DLG2: variants seen among roughly 807,000 people sequenced by gnomAD.
DLG2 encodes discs large MAGUK scaffold protein 2, also known as disks large homolog 2.
A neutral mutation model predicts 132.5 loss-of-function variants in DLG2; 45 were observed. The ratio of observed to expected loss-of-function variants is 0.34; its 90% CI spans 0.27 to 0.44. The LOEUF is 0.44. Among genes scored for constraint, DLG2 ranks in the 20% least tolerant of loss-of-function variants. The pLI, the probability that DLG2 is intolerant of heterozygous loss-of-function variation, is 1.00. For synonymous variants in DLG2, 424 were observed against 419.6 expected, an observed-to-expected ratio of 1.01 and a Z score of -0.13; for missense variants, 1,045 against 1,196.9, an observed-to-expected ratio of 0.87 and a Z score of 1.87.
chr11:85,031,373 T>C (rs1156623970), intron 6 of DLG2, among the ~76,000 whole-genome samples: 1 of 149,856 alleles, frequency 6.7e-6, no homozygotes, highest in East Asian at 1.9e-4. Context: ...TTAGACTAAT[T>C]TGAGAGCCTA....
intron 3 of DLG2, among the ~76,000 whole-genome samples, chr11:85,352,766 G>A (rs1360309436): frequency 6.6e-6 from 1 of 152,078 alleles, no homozygotes; most frequent in African/African-American, 2.4e-5. Context: ...AATGGTGCTG[G>A]GAAAACTGGC....
At chr11:83,947,216 T>G (rs922258755) in intron 14 of DLG2, among the ~76,000 whole-genome samples, 1 of 150,174 alleles carries the variant, frequency 6.7e-6, no homozygotes, top group African/African-American at 2.4e-5. Flanking sequence ...ATGCAAATAT[T>G]TGTGATTACT....
rs76917180 is a variant in DLG2 at position 83,988,672 on chromosome 11, C to T, written c.920-8030G>A. ...CAGCCTTGATATTTCTAGAGTACTC[C>T]GACATAGTCATAGACTGTCAATTTA... On this transcript the variant is annotated intron_variant, in intron 11 of 27. Coordinates refer to ENST00000376104, the MANE Select transcript of DLG2 (RefSeq NM_001142699.3). Among the ~76,000 whole-genome samples, 310 of 151,984 alleles carry T rather than the reference C, an allele frequency of 2.0e-3. 6 individuals are homozygous for T. In the East Asian group the frequency reaches 0.056, roughly 28 times the overall value.
At chr11:84,746,251 G>GAAAAAAAAAA (rs369130410) in intron 6 of DLG2, among the ~76,000 whole-genome samples, 1 of 90,994 alleles carries the variant, frequency 1.1e-5, no homozygotes. Context: ...GATATGAAAA[G>GAAAAAAAAAA]AAAAAAAAAA....
chr11:83,777,701 T>C (rs2094639575), intron 18 of DLG2, among the ~76,000 whole-genome samples: 1 of 152,168 alleles, frequency 6.6e-6, no homozygotes, highest in South Asian at 2.1e-4. Context: ...TCAAATCCCA[T>C]GGTACACAGA....
chr11:85,215,792 C>G lies in DLG2; in HGVS notation c.187-61141G>C, dbSNP rs540583287. Among the ~76,000 whole-genome samples the G allele has an allele frequency of 6.2e-3, 950 of 152,232 alleles. 8 individuals are homozygous for G. The highest frequency in any genetic ancestry group is 0.01 in the Non-Finnish European group (692 of 68,002). On this transcript the variant is annotated intron_variant, in intron 4 of 27. Coordinates refer to ENST00000376104, the MANE Select transcript of DLG2 (RefSeq NM_001142699.3). ...TACCACCCCTTTGAATTACACAATG[C>G]ATGCATTAATAAACTTGTTTGTTTT...
At chr11:84,355,436 A>G (rs1239094471) in intron 7 of DLG2, among the ~76,000 whole-genome samples, 1 of 152,032 alleles carries the variant, frequency 6.6e-6, no homozygotes, top group African/African-American at 2.4e-5. Flanking sequence ...ATTATAAAAG[A>G]GTCCCCAGAG....
At chr11:84,509,511 C>A (rs1260703646) in intron 7 of DLG2, among the ~76,000 whole-genome samples, 1 of 152,112 alleles carries the variant, frequency 6.6e-6, no homozygotes, top group Non-Finnish European at 1.5e-5. Flanking sequence ...CAACCCATGG[C>A]AAGTGAAATT....
chr11:83,894,234 C>T (rs2070877079), intron 15 of DLG2, among the ~76,000 whole-genome samples: 5 of 152,060 alleles, frequency 3.3e-5, no homozygotes, highest in Admixed American at 2.6e-4. Flanking sequence ...ATAAGAGTTA[C>T]AAATAGGAAG....
At chr11:84,806,532 A>G (rs903770088) in intron 6 of DLG2, among the ~76,000 whole-genome samples, 9 of 152,184 alleles carry the variant, frequency 5.9e-5, no homozygotes, top group African/African-American at 2.2e-4. Context: ...GTGATACAAT[A>G]TTTTCGACTG....
At chr11:84,719,838 GT>G (rs1370064087) in intron 6 of DLG2, among the ~76,000 whole-genome samples, 6 of 152,088 alleles carry the variant, frequency 3.9e-5, no homozygotes, top group Non-Finnish European at 7.4e-5. Flanking sequence ...AAAATAAGCT[GT>G]TTATCTTAAA....
At chr11:84,455,652 G>A (rs1321467626) in intron 7 of DLG2, among the ~76,000 whole-genome samples, 3 of 151,252 alleles carry the variant, frequency 2.0e-5, no homozygotes, top group Non-Finnish European at 3.0e-5. Flanking sequence ...TAGAAAGAAA[G>A]TATCACTAAG....
chr11:83,487,456 T>A (rs2093591126), intron 21 of DLG2, among the ~76,000 whole-genome samples: 1 of 152,020 alleles, frequency 6.6e-6, no homozygotes, highest in Non-Finnish European at 1.5e-5. Context: ...GAATCTGAAG[T>A]GTATAAATCT....
In DLG2 at chr11:84,893,462, G is replaced by A. The variant is rs944857561; in HGVS notation, c.357+218199C>T. On this transcript the variant is annotated intron_variant, in intron 6 of 27. Coordinates refer to ENST00000376104, the MANE Select transcript of DLG2 (RefSeq NM_001142699.3). ...ATGTGAGTCATGAGACAGTGCAGAA[G>A]AAATCTTCATGGGGAGGGAAGAAAA... 5.9e-5 allele frequency among the ~76,000 whole-genome samples: 9 copies of A among 152,136 alleles called. No individual in the cohort carries two copies. The East Asian group carries it at 1.5e-3, about 26-fold the overall frequency.
At chr11:84,236,607 T>C (rs1464536690) in intron 8 of DLG2, among the ~76,000 whole-genome samples, 7 of 152,236 alleles carry the variant, frequency 4.6e-5, no homozygotes. Flanking sequence ...TTCATTAACT[T>C]GATCAAGTCT....
At chr11:84,986,175 C>T (rs114783015) in intron 6 of DLG2, among the ~76,000 whole-genome samples, 3,215 of 152,042 alleles carry the variant, frequency 0.021, 128 homozygotes, top group African/African-American at 0.074. Context: ...CCTACGAACA[C>T]CTTTAGGCAC....
At chr11:83,483,225 G>GAAAAT in intron 22 of DLG2, 1 of 1,602,774 alleles carries the variant, frequency 6.2e-7, no homozygotes, top group Non-Finnish European at 8.5e-7. Flanking sequence ...GAAAAGAAAA[G>GAAAAT]TTACAGTGAC....
chr11:84,546,976 A>C (rs2099391141), intron 6 of DLG2: 1 of 154,458 alleles, frequency 6.5e-6, no homozygotes, highest in Non-Finnish European at 1.4e-5. Flanking sequence ...CTAAAAGCGC[A>C]GATTCTGGAG....
intron 4 of DLG2, among the ~76,000 whole-genome samples, chr11:85,236,242 G>T (rs1267044709): frequency 6.6e-6 from 1 of 152,014 alleles, no homozygotes; most frequent in Non-Finnish European, 1.5e-5. Flanking sequence ...CTCGTCCAGT[G>T]CCAACAGTAT....
Sources: allele counts gnomAD v4.1 joint callset (sites outside exome capture counted in the v4.1 genomes callset), GRCh38; gene constraint gnomAD v4.1.1; transcripts MANE v1.5; gene names NCBI Gene and HGNC (gene_info 2026-07-23, HGNC 2026-07-21).